MAP2K6: variants seen among roughly 807,000 people sequenced by gnomAD.
MAP2K6 encodes the protein dual specificity mitogen-activated protein kinase kinase 6.
In MAP2K6, 16 loss-of-function variants were observed where a neutral mutation model predicts 53.7. That is an observed-to-expected ratio of 0.30 (90% CI 0.20 to 0.45). The LOEUF (loss-of-function observed/expected upper bound fraction) is 0.45, where lower values mean the gene tolerates loss of function less well. Among genes scored for constraint, MAP2K6 ranks in the 20% least tolerant of loss-of-function variants. The probability of loss-of-function intolerance (pLI) is 1.00; values close to 1 mark genes in which losing one functional copy is unlikely to be tolerated. For synonymous variants in MAP2K6, 132 were observed against 143.1 expected (o/e 0.92, Z 0.55); for missense variants, 204 against 411.9 (o/e 0.50, Z 4.37).
chr17:69,447,370 G>A (rs759547943), intron 1 of MAP2K6, among the ~76,000 whole-genome samples: 4 of 151,940 alleles, frequency 2.6e-5, no homozygotes, highest in Non-Finnish European at 5.9e-5. Context: ...TTTTGAGATG[G>A]AGTCTTGCTC....
At chr17:69,535,536 G>A (rs1466649266) in intron 10 of MAP2K6, among the ~76,000 whole-genome samples, 6 of 152,172 alleles carry the variant, frequency 3.9e-5, no homozygotes, top group Non-Finnish European at 8.8e-5. Context: ...AGGCTGCAGT[G>A]AGCCGAGATT....
At chr17:69,423,944 G>A (rs1408424370) in intron 1 of MAP2K6, among the ~76,000 whole-genome samples, 3 of 152,054 alleles carry the variant, frequency 2.0e-5, no homozygotes, top group South Asian at 2.1e-4. Flanking sequence ...TTGCACCGAC[G>A]TAAGAAATCA....
rs1006702562 is a variant in MAP2K6 at position 69,546,039 on chromosome 17, T to C, written c.*4286T>C. ...TCATCTCAAAAAAAAAAAAAAAAAA[T>C]GTACAACATCTTGCTTAGCCTGTGT... On this transcript the variant is annotated 3_prime_UTR_variant, in exon 12 of 12. Transcript: ENST00000590474. 1.4e-5 allele frequency: 2 copies of C among 142,436 alleles called. No individual in the cohort carries two copies. Among genetic ancestry groups the C allele is most frequent in the African/African-American group, 2.6e-5 (1 of 38,118 alleles). 8.8% of individuals were successfully genotyped at this position (142,436 alleles called of 1,614,324 possible). A position where few individuals can be genotyped will look rare whatever the true frequency, so the allele number is the denominator to read the frequency against.
At chr17:69,510,021 G>A (rs1316081250) in intron 2 of MAP2K6, among the ~76,000 whole-genome samples, 1 of 151,656 alleles carries the variant, frequency 6.6e-6, no homozygotes, top group African/African-American at 2.4e-5. Context: ...TTTTTTTTGT[G>A]TTTTGTAGAG....
At chr17:69,489,338 A>G (rs570163943) in intron 1 of MAP2K6, among the ~76,000 whole-genome samples, 23 of 152,284 alleles carry the variant, frequency 1.5e-4, no homozygotes, top group Admixed American at 9.8e-4. Context: ...TTTCACCCAC[A>G]TTTCTGTGAT....
chr17:69,473,188 T>G lies in MAP2K6; in HGVS notation c.17-32592T>G, dbSNP rs190322904. Among the ~76,000 whole-genome samples the G allele has an allele frequency of 2.8e-3, 419 of 152,326 alleles. 1 individual carries two copies. The highest frequency in any genetic ancestry group is 9.6e-3 in the African/African-American group (398 of 41,580). On this transcript the variant is annotated intron_variant, in intron 1 of 11. Transcript: ENST00000590474. ...TTGATTTCATTATATGTTGTTTTGC[T>G]TAAAGTCACAGTTTTCAAGAAACTG...
intron 1 of MAP2K6, among the ~76,000 whole-genome samples, chr17:69,475,873 T>C (rs1314665084): frequency 6.6e-6 from 1 of 152,178 alleles, no homozygotes; most frequent in Non-Finnish European, 1.5e-5. Flanking sequence ...GCCATGGGTA[T>C]GTGATACATT....
chr17:69,521,052 G>A lies in MAP2K6; in HGVS notation c.487G>A (p.Val163Ile). The A allele has an allele frequency of 1.2e-6, 2 of 1,604,124 alleles. No homozygotes were observed. The highest frequency in any genetic ancestry group is 1.7e-4 in the Middle Eastern group (1 of 6,030). ...CTATCTTGTGTTTCTCTTGCAGATT[G>A]TAAAAGCATTAGAACATTTACATAG... ...DILGKIAVSI[V>I]KALEHLHSKL... The change falls in exon 7 of 12, where the codon GTA (valine) becomes ATA (isoleucine). Residue 163 changes from valine (V) to isoleucine (I), a missense_variant. This residue lies in a region of MAP2K6 where 129 missense variants were observed against 247.1 expected (regional missense o/e 0.52). Coordinates refer to ENST00000590474, the MANE Select transcript of MAP2K6 (RefSeq NM_002758.4).
intron 1 of MAP2K6, among the ~76,000 whole-genome samples, chr17:69,421,147 G>A (rs1906065574): frequency 6.6e-6 from 1 of 152,142 alleles, no homozygotes; most frequent in South Asian, 2.1e-4. Flanking sequence ...TCATCAGTAG[G>A]GATAAGCTCT....
At chr17:69,513,311 C>G (rs1017948503) in intron 2 of MAP2K6, among the ~76,000 whole-genome samples, 2 of 152,222 alleles carry the variant, frequency 1.3e-5, no homozygotes, top group African/African-American at 4.8e-5. Context: ...ATGGGAATCG[C>G]AAGAGCAGGT....
chr17:69,522,050 T>A (rs1598308205), intron 7 of MAP2K6, among the ~76,000 whole-genome samples: 1 of 151,816 alleles, frequency 6.6e-6, no homozygotes, highest in Non-Finnish European at 1.5e-5. Flanking sequence ...CTGAGGCAGG[T>A]GATTGTAGTG....
intron 10 of MAP2K6, among the ~76,000 whole-genome samples, chr17:69,535,067 G>A (rs1490098527): frequency 6.6e-6 from 1 of 151,250 alleles, no homozygotes; most frequent in Non-Finnish European, 1.5e-5. Flanking sequence ...TCATCTTACA[G>A]TTTTATTACT....
chr17:69,473,250 G>A (rs552805738), intron 1 of MAP2K6, among the ~76,000 whole-genome samples: 7 of 152,174 alleles, frequency 4.6e-5, no homozygotes, highest in Admixed American at 1.3e-4. Context: ...TGTATTTTGA[G>A]TGGAATAATT....
intron 2 of MAP2K6, among the ~76,000 whole-genome samples, chr17:69,515,086 C>A (rs567887450): frequency 2.6e-5 from 4 of 151,852 alleles, no homozygotes; most frequent in Non-Finnish European, 4.4e-5. Context: ...CTGGCAGCAC[C>A]AGGATTCTTT....
intron 1 of MAP2K6, among the ~76,000 whole-genome samples, chr17:69,448,755 G>A (rs892186850): frequency 6.6e-6 from 1 of 152,164 alleles, no homozygotes; most frequent in African/African-American, 2.4e-5. Flanking sequence ...TCATCCTGGC[G>A]CTTTGCAGCA....
intron 8 of MAP2K6, 58 bp from the exon 9 acceptor site, chr17:69,524,843 G>A (rs1488561530): frequency 1.5e-6 from 2 of 1,336,468 alleles, no homozygotes; most frequent in Non-Finnish European, 2.2e-6. Flanking sequence ...AGACTATTGA[G>A]CTAAGAACGT....
Position 69,496,313 on chromosome 17 carries a change from C to T in MAP2K6, c.17-9467C>T, listed in dbSNP as rs547280881. Among the ~76,000 whole-genome samples, 9 of 150,338 alleles carry T rather than the reference C, an allele frequency of 6.0e-5. No individual in the cohort carries two copies. In the South Asian group the frequency reaches 1.9e-3, roughly 32 times the overall value. Reference sequence around the variant, plus strand: ...TTGAGAGGGAGTCTTGCTCTGTCTCCCAGGCTGGAGTGCAGTGGTGCGATC... The same window carrying T: ...TTGAGAGGGAGTCTTGCTCTGTCTCTCAGGCTGGAGTGCAGTGGTGCGATC... On this transcript the variant is annotated intron_variant, in intron 1 of 11. Transcript: ENST00000590474.
intron 1 of MAP2K6, among the ~76,000 whole-genome samples, chr17:69,420,096 T>A (rs545469182): frequency 2.6e-5 from 4 of 152,278 alleles, no homozygotes; most frequent in Non-Finnish European, 5.9e-5. Context: ...TGCTATCACA[T>A]ATTTTATAAA....
At chr17:69,529,181 G>A (rs2715828) in intron 10 of MAP2K6, among the ~76,000 whole-genome samples, 91,050 of 151,878 alleles carry the variant, frequency 0.6, 27,469 homozygotes, top group Middle Eastern at 0.73. Context: ...TGCCCCCTAG[G>A]CCTCATCCTC....
Sources: gnomAD v4.1 joint callset for allele counts (sites outside exome capture counted in the v4.1 genomes callset) on GRCh38, gnomAD v4.1.1 for gene constraint, gnomAD v4.1.1 regional missense constraint, MANE v1.5 for transcripts, NCBI Gene and HGNC (gene_info 2026-07-23, HGNC 2026-07-21) for gene names.